Variants in GRAP2 observed in about 807,000 individuals in gnomAD.
GRAP2 encodes GRB2-related adapter protein 2.
In GRAP2, 31 loss-of-function variants were observed where a neutral mutation model predicts 43.5. The ratio of observed to expected loss-of-function variants is 0.71; its 90% CI spans 0.54 to 0.96. The LOEUF (loss-of-function observed/expected upper bound fraction) is 0.96. GRAP2 is among the 40% of genes least tolerant of loss of function. The pLI is 0.00. For missense variants in GRAP2, 371 were observed against 424.4 expected, an observed-to-expected ratio of 0.87 and a Z score of 1.11; for synonymous variants, 156 against 164.8, an observed-to-expected ratio of 0.95 and a Z score of 0.41.
At chr22:39,907,507 T>A (rs967434172) in intron 1 of GRAP2, among the ~76,000 whole-genome samples, 1 of 152,014 alleles carries the variant, frequency 6.6e-6, no homozygotes, top group Non-Finnish European at 1.5e-5. Context: ...GAGGACAAGG[T>A]GGGAGGATTG....
chr22:39,906,252 A>T (rs769397685), intron 1 of GRAP2, among the ~76,000 whole-genome samples: 1 of 152,212 alleles, frequency 6.6e-6, no homozygotes, highest in Non-Finnish European at 1.5e-5. Flanking sequence ...GCAAGAGTAT[A>T]AGCCATTGTC....
intron 4 of GRAP2, among the ~76,000 whole-genome samples, chr22:39,963,111 T>C (rs1201590857): frequency 6.6e-6 from 1 of 152,236 alleles, no homozygotes; most frequent in Non-Finnish European, 1.5e-5. Context: ...ATCACGTCTT[T>C]GCAGAAATGT....
chr22:39,911,628 T>C (rs988023047), intron 1 of GRAP2, among the ~76,000 whole-genome samples: 8 of 152,118 alleles, frequency 5.3e-5, no homozygotes, highest in African/African-American at 1.2e-4. Context: ...AGCAGTTTTT[T>C]TGTTCCTTAT....
chr22:39,897,515 C>CTTTTTTTTT (rs368180670), upstream of GRAP2, among the ~76,000 whole-genome samples: 1 of 127,650 alleles, frequency 7.8e-6, no homozygotes, highest in Non-Finnish European at 1.7e-5. Context: ...AAAGTAGCCT[C>CTTTTTTTTT]TTTTTTTTTT....
chr22:39,950,933 G>A (rs907269406), intron 2 of GRAP2, among the ~76,000 whole-genome samples: 4 of 152,182 alleles, frequency 2.6e-5, no homozygotes, highest in Admixed American at 6.5e-5. Context: ...CCAGCAATTC[G>A]CTTCTGGGAT....
At chr22:39,909,005 G>C (rs1195663530) in intron 1 of GRAP2, among the ~76,000 whole-genome samples, 1 of 152,086 alleles carries the variant, frequency 6.6e-6, no homozygotes, top group Non-Finnish European at 1.5e-5. Flanking sequence ...CTCTGTCCTC[G>C]AGTGAAATTA....
chr22:39,963,940 TG>T (rs1487845856), intron 4 of GRAP2: 1 of 154,020 alleles, frequency 6.5e-6, no homozygotes, highest in Non-Finnish European at 1.4e-5. Context: ...GGCATGAACC[TG>T]GGAGGTGGTG....
In GRAP2 at chr22:39,965,997, G is replaced by A. The variant is rs1260977466; in HGVS notation, c.298G>A (p.Asp100Asn). 1 of 1,613,922 alleles carries A rather than the reference G, an allele frequency of 6.2e-7. No individual in the cohort carries two copies. Among genetic ancestry groups the A allele is most frequent in the Admixed American group, 1.7e-5 (1 of 60,026 alleles). Reference sequence around the variant, plus strand: ...TTTTGCCTTGATCTCCAGGCATGAGGATGACGTTCAACACTTCAAGGTCAT... The same window carrying A: ...TTTTGCCTTGATCTCCAGGCATGAGAATGACGTTCAACACTTCAAGGTCAT... ...GDFSISVRHE[D>N]DVQHFKVMRD... is the part of the protein sequence containing the mutation. The change falls in exon 5 of 8, where the codon GAT (aspartate) becomes AAT (asparagine). Residue 100 changes from aspartate (D) to asparagine (N), a missense_variant. Asp to Asn is a conservative substitution (Grantham distance 23). Transcript: ENST00000344138.
At chr22:39,907,576 G>T (rs1410170530) in intron 1 of GRAP2, among the ~76,000 whole-genome samples, 1 of 151,710 alleles carries the variant, frequency 6.6e-6, no homozygotes, top group East Asian at 1.9e-4. Flanking sequence ...ATCTCTACAA[G>T]ATATTCTTTT....
In GRAP2 at chr22:39,971,027, C is replaced by T. The variant is rs762540192; in HGVS notation, c.936C>T (p.Arg312=). Reference sequence around the variant, plus strand: ...CCAACCCATCCTGGTGGACCGGCCGCCTGCACAACAAGCTGGGCCTCTTCC... The same window carrying T: ...CCAACCCATCCTGGTGGACCGGCCGTCTGCACAACAAGCTGGGCCTCTTCC... The part of the protein sequence containing the change: ...DSSNPSWWTG[R]LHNKLGLFPA... The change falls in exon 8 of 8, where the codon CGC becomes CGT. Residue 312 remains arginine (R), a synonymous_variant. Coordinates refer to ENST00000344138, the MANE Select transcript of GRAP2 (RefSeq NM_004810.4). The T allele has an allele frequency of 6.2e-7, 1 of 1,613,882 alleles. No homozygotes were observed. The highest frequency in any genetic ancestry group is 8.5e-7 in the Non-Finnish European group (1 of 1,179,906).
intron 1 of GRAP2, among the ~76,000 whole-genome samples, chr22:39,935,306 C>T (rs2066795525): frequency 6.6e-6 from 1 of 152,176 alleles, no homozygotes; most frequent in Non-Finnish European, 1.5e-5. Context: ...CAGCTCACTC[C>T]AATCCCAGCC....
chr22:39,901,504 G>T (rs2066492140), intron 1 of GRAP2, among the ~76,000 whole-genome samples, 174 bp downstream of exon 1: 1 of 152,186 alleles, frequency 6.6e-6, no homozygotes, highest in South Asian at 2.1e-4. Context: ...TGTTTGTGGT[G>T]ATGGGATTTG....
intron 1 of GRAP2, among the ~76,000 whole-genome samples, chr22:39,905,519 G>A (rs2066517499): frequency 6.6e-6 from 1 of 152,084 alleles, no homozygotes; most frequent in African/African-American, 2.4e-5. Context: ...TATAAAATGG[G>A]ATTACTAATG....
chr22:39,953,804 A>G (rs1371549333), intron 2 of GRAP2, among the ~76,000 whole-genome samples: 1 of 152,146 alleles, frequency 6.6e-6, no homozygotes, highest in East Asian at 1.9e-4. Flanking sequence ...CATAGAGACA[A>G]GGTCTCGCTT....
chr22:39,965,883 C>A, intron 4 of GRAP2, 107 bp from the exon 5 acceptor site: 1 of 951,584 alleles, frequency 1.1e-6, no homozygotes, highest in South Asian at 1.3e-5. Context: ...TCATCCATAT[C>A]TACATCTCCT....
chr22:39,922,346 G>A (rs1386737172), intron 1 of GRAP2, among the ~76,000 whole-genome samples: 1 of 152,192 alleles, frequency 6.6e-6, no homozygotes, highest in Non-Finnish European at 1.5e-5. Flanking sequence ...TTAAAGGATG[G>A]CAAGAATTGA....
intron 1 of GRAP2, among the ~76,000 whole-genome samples, chr22:39,906,549 G>GA (rs903640669): frequency 1.1e-4 from 17 of 149,498 alleles, no homozygotes; most frequent in South Asian, 4.2e-4. Flanking sequence ...AAATAAATAA[G>GA]AAAAAAAAAA....
At chr22:39,955,045 A>C (rs2067031780) in intron 2 of GRAP2, among the ~76,000 whole-genome samples, 1 of 152,260 alleles carries the variant, frequency 6.6e-6, no homozygotes, top group South Asian at 2.1e-4. Context: ...GCCTGTTTAA[A>C]AAACAATAAC....
intron 1 of GRAP2, among the ~76,000 whole-genome samples, chr22:39,928,596 T>A (rs1484795944): frequency 6.6e-6 from 1 of 152,202 alleles, no homozygotes; most frequent in African/African-American, 2.4e-5. Context: ...ACTTGAAAGT[T>A]GAATTGGAGT....
Sources: gnomAD v4.1 joint callset for allele counts (sites outside exome capture counted in the v4.1 genomes callset) on GRCh38, gnomAD v4.1.1 for gene constraint, MANE v1.5 for transcripts, NCBI Gene and HGNC (gene_info 2026-07-23, HGNC 2026-07-21) for gene names.